Variants in SUMF1 observed in about 807,000 individuals in gnomAD.
The protein encoded by SUMF1 is sulfatase modifying factor 1, also known as formylglycine-generating enzyme.
SUMF1 carries 48 observed loss-of-function variants against 47.6 expected under a neutral mutation model. The observed-to-expected ratio is 1.01, with a 90% CI of 0.80 to 1.28. The LOEUF (loss-of-function observed/expected upper bound fraction) is 1.28, where lower values mean the gene tolerates loss of function less well. Among genes scored for constraint, SUMF1 ranks in the 50% most tolerant of loss-of-function variants. SUMF1 has a pLI of 0.00. For missense variants in SUMF1, 571 were observed against 485.4 expected, an observed-to-expected ratio of 1.18 and a Z score of -1.66; for synonymous variants, 230 against 192.1, an observed-to-expected ratio of 1.20 and a Z score of -1.63.
intron 8 of SUMF1, among the ~76,000 whole-genome samples, chr3:4,185,911 G>A (rs942329651): frequency 6.6e-6 from 1 of 152,108 alleles, no homozygotes; most frequent in Non-Finnish European, 1.5e-5. Flanking sequence ...ATTAAAAAGG[G>A]GCATTCTCTC....
At chr3:4,210,915 T>C (rs1419559889) in intron 8 of SUMF1, among the ~76,000 whole-genome samples, 1 of 151,378 alleles carries the variant, frequency 6.6e-6, no homozygotes, top group Non-Finnish European at 1.5e-5. Flanking sequence ...CAGAAAATCA[T>C]AAAAAGGCTA....
At chr3:4,136,383 T>C (rs1322078609) in intron 8 of SUMF1, among the ~76,000 whole-genome samples, 2 of 152,140 alleles carry the variant, frequency 1.3e-5, no homozygotes, top group African/African-American at 4.8e-5. Context: ...GGACTCCCTA[T>C]TTAATAAATG....
chr3:4,062,704 G>T (rs566400103), intron 9 of SUMF1, among the ~76,000 whole-genome samples: 31 of 152,228 alleles, frequency 2.0e-4, no homozygotes, highest in Non-Finnish European at 4.4e-4. Flanking sequence ...TAGCCATGTA[G>T]GTCATGAAAA....
intron 7 of SUMF1, among the ~76,000 whole-genome samples, chr3:4,395,077 A>G (rs1700998455): frequency 6.6e-6 from 1 of 152,164 alleles, no homozygotes; most frequent in South Asian, 2.1e-4. Flanking sequence ...TCACCCTGTA[A>G]AGCAGGAAGT....
At chr3:4,063,034 T>A (rs1305078125) in intron 9 of SUMF1, among the ~76,000 whole-genome samples, 1 of 152,122 alleles carries the variant, frequency 6.6e-6, no homozygotes, top group Non-Finnish European at 1.5e-5. Flanking sequence ...AAAAGAAAAA[T>A]CTGCATTTTC....
chr3:4,077,354 C>A (rs1273950579), intron 8 of SUMF1, among the ~76,000 whole-genome samples: 4 of 152,110 alleles, frequency 2.6e-5, no homozygotes, highest in African/African-American at 9.7e-5. Flanking sequence ...GACACATGCA[C>A]ACGTATGTTT....
At chr3:4,128,109 T>C (rs1022516623) in intron 8 of SUMF1, among the ~76,000 whole-genome samples, 2 of 152,112 alleles carry the variant, frequency 1.3e-5, no homozygotes, top group Non-Finnish European at 2.9e-5. Flanking sequence ...ATCTCCTGGC[T>C]TCAGAAGCAG....
Position 4,214,755 on chromosome 3 carries a change from T to C in SUMF1, c.1015-146010A>G, listed in dbSNP as rs529880621. Reference sequence around the variant, plus strand: ...CAGAAATCCAAACCACCATCAGAGATTACTATAAACACCTCTGCGAAAATA... The same window carrying C: ...CAGAAATCCAAACCACCATCAGAGACTACTATAAACACCTCTGCGAAAATA... On this transcript the variant is annotated intron_variant and NMD_transcript_variant, in intron 8 of 12. Coordinates refer to the SUMF1 transcript ENST00000448413. Among the ~76,000 whole-genome samples, 7 of 150,320 alleles carry C rather than the reference T, an allele frequency of 4.7e-5. No individual in the cohort carries two copies. The South Asian group carries it at 1.5e-3, about 32-fold the overall frequency.
Position 4,183,302 on chromosome 3 carries a change from T to C in SUMF1, c.1015-114557A>G, listed in dbSNP as rs193236594. Among the ~76,000 whole-genome samples the C allele has an allele frequency of 1.5e-4, 23 of 152,356 alleles. No individual in the cohort carries two copies. The East Asian group carries it at 3.9e-3, about 26-fold the overall frequency. On this transcript the variant is annotated intron_variant and NMD_transcript_variant, in intron 8 of 12. Transcript: ENST00000448413. ...AATAGTTAAAACAAAAGCAAGTTCA[T>C]TGAAATCTAATCATGTCCTTCTCCT...
Position 4,217,514 on chromosome 3 carries a change from T to TATATATATATATATA in SUMF1, c.1015-148770_1015-148769insTATATATATATATAT, listed in dbSNP as rs1553610066. Among the ~76,000 whole-genome samples the TATATATATATATATA allele has an allele frequency of 7.1e-4, 32 of 45,186 alleles. 2 individuals carry two copies. The highest frequency in any genetic ancestry group is 3.1e-3 in the Admixed American group (13 of 4,134). 29.6% of individuals were successfully genotyped at this position (45,186 alleles called of 152,430 possible). A position where few individuals can be genotyped will look rare whatever the true frequency, so the allele number is the denominator to read the frequency against. ...TGTATCCCAGAACTTAAAGTATTTTTTATATATATATATATATATATATAT... is the reference window on the plus strand; with the variant it reads ...TGTATCCCAGAACTTAAAGTATTTTTATATATATATATATATATATATATATATATATATATATAT... On this transcript the variant is annotated intron_variant and NMD_transcript_variant, in intron 8 of 12. Transcript: ENST00000448413.
At chr3:4,274,449 A>G (rs542130047) in intron 8 of SUMF1, among the ~76,000 whole-genome samples, 1 of 152,338 alleles carries the variant, frequency 6.6e-6, no homozygotes, top group South Asian at 2.1e-4. Context: ...CTGTGGAGGG[A>G]CATTATTCTT....
At chr3:4,240,951 AC>A (rs1198918688) in intron 8 of SUMF1, among the ~76,000 whole-genome samples, 1 of 152,082 alleles carries the variant, frequency 6.6e-6, no homozygotes, top group Non-Finnish European at 1.5e-5. Flanking sequence ...TTTTCAGGAC[AC>A]TAGGCCAAAC....
intron 8 of SUMF1, among the ~76,000 whole-genome samples, chr3:4,257,710 C>A (rs1372483600): frequency 6.6e-6 from 1 of 151,300 alleles, no homozygotes; most frequent in East Asian, 1.9e-4. Flanking sequence ...AGATTCAATG[C>A]CATCCCCATC....
chr3:4,053,653 C>T (rs1695150314), intron 9 of SUMF1, among the ~76,000 whole-genome samples: 1 of 152,146 alleles, frequency 6.6e-6, no homozygotes, highest in African/African-American at 2.4e-5. Context: ...GCCCTCCGAA[C>T]TGTGACATGG....
intron 8 of SUMF1, among the ~76,000 whole-genome samples, chr3:4,300,083 T>C (rs1697932533): frequency 6.6e-6 from 1 of 152,170 alleles, no homozygotes; most frequent in Admixed American, 6.5e-5. Flanking sequence ...GACTGGATCA[T>C]GGGGGCGGGT....
chr3:4,410,146 T>C lies in SUMF1; in HGVS notation c.954+719A>G, dbSNP rs530760503. Among the ~76,000 whole-genome samples the C allele has an allele frequency of 6.6e-5, 10 of 152,328 alleles. 1 individual carries two copies. In the South Asian group the frequency reaches 2.1e-3, roughly 32 times the overall value. On this transcript the variant is annotated intron_variant, in intron 7 of 8. Transcript: ENST00000272902. ...CAATCTGTTCACACCATAAAAAATA[T>C]TCAGAGATGTTCTTTTTAAAGGAAG... is the stretch of plus-strand genomic sequence containing the variant.
At chr3:4,268,545 A>G (rs543058688) in intron 8 of SUMF1, among the ~76,000 whole-genome samples, 104 of 145,580 alleles carry the variant, frequency 7.1e-4, no homozygotes, top group African/African-American at 2.5e-3. Flanking sequence ...ATAGGTTTAC[A>G]CAGTTGTGTG....
At chr3:4,132,359 G>A (rs770331869) in intron 8 of SUMF1, among the ~76,000 whole-genome samples, 1 of 152,128 alleles carries the variant, frequency 6.6e-6, no homozygotes, top group Non-Finnish European at 1.5e-5. Context: ...CAGCTAGATT[G>A]ATAGAACAGT....
At chr3:4,338,945 C>T (rs964339778) in intron 8 of SUMF1, among the ~76,000 whole-genome samples, 3 of 152,158 alleles carry the variant, frequency 2.0e-5, no homozygotes, top group Non-Finnish European at 2.9e-5. Flanking sequence ...TCTTTGCTCA[C>T]CAGAGCCTCG....
Sources: gnomAD v4.1 joint callset for allele counts (sites outside exome capture counted in the v4.1 genomes callset) on GRCh38, gnomAD v4.1.1 for gene constraint, MANE v1.5 for transcripts, NCBI Gene and HGNC (gene_info 2026-07-23, HGNC 2026-07-21) for gene names.